PRPSAP1: variants seen among roughly 807,000 people sequenced by gnomAD.
The protein encoded by PRPSAP1 is phosphoribosyl pyrophosphate synthetase associated protein 1, also known as phosphoribosyl pyrophosphate synthase-associated protein 1.
In PRPSAP1, 31 loss-of-function variants were observed where a neutral mutation model predicts 39.4. The observed-to-expected ratio is 0.79, with a 90% CI of 0.59 to 1.06. The LOEUF is 1.06. Among genes scored for constraint, PRPSAP1 ranks in the 50% least tolerant of loss-of-function variants. The pLI is 0.00. For missense variants in PRPSAP1, 430 were observed against 511.6 expected (o/e 0.84, Z 1.54); for synonymous variants, 212 against 192.6 (o/e 1.10, Z -0.83).
chr17:76,318,315 TG>T (rs2071146395), intron 7 of PRPSAP1, among the ~76,000 whole-genome samples: 1 of 152,000 alleles, frequency 6.6e-6, no homozygotes, highest in Non-Finnish European at 1.5e-5. Flanking sequence ...CTGGGGGTGG[TG>T]TCAAGCACCT....
chr17:76,325,135 C>T (rs1348508881), intron 7 of PRPSAP1, among the ~76,000 whole-genome samples: 1 of 136,838 alleles, frequency 7.3e-6, no homozygotes, highest in African/African-American at 2.7e-5. Context: ...TGGGTCCGGG[C>T]ACAGTGGTTT....
At chr17:76,332,925 C>T (rs1374323358) in intron 3 of PRPSAP1, among the ~76,000 whole-genome samples, 1 of 150,528 alleles carries the variant, frequency 6.6e-6, no homozygotes, top group Non-Finnish European at 1.5e-5. Context: ...CGGAGTCTCG[C>T]TGTCGCCCAG....
intron 2 of PRPSAP1, among the ~76,000 whole-genome samples, chr17:76,347,219 G>A (rs764967168): frequency 6.6e-5 from 10 of 151,858 alleles, no homozygotes; most frequent in Non-Finnish European, 1.5e-4. Context: ...GGGCGCGGTG[G>A]CTCATGCCTG....
chr17:76,328,680 A>G (rs1194592901), intron 7 of PRPSAP1, 37 bp downstream of exon 7: 2 of 1,594,448 alleles, frequency 1.3e-6, no homozygotes, highest in East Asian at 2.2e-5. Context: ...ACTTTCTTCA[A>G]TTTACAAATA....
At chr17:76,353,095 C>T (rs1457622582) in intron 1 of PRPSAP1, 2 of 159,904 alleles carry the variant, frequency 1.3e-5, no homozygotes, top group African/African-American at 2.4e-5. Flanking sequence ...GCGTCGGATC[C>T]CCCAACTCAC....
chr17:76,349,253 G>A (rs935486039), intron 1 of PRPSAP1, among the ~76,000 whole-genome samples: 18 of 150,858 alleles, frequency 1.2e-4, no homozygotes, highest in African/African-American at 3.9e-4. Flanking sequence ...GTGGTGAGCC[G>A]AGATCGCGCC....
intron 3 of PRPSAP1, among the ~76,000 whole-genome samples, chr17:76,336,356 T>A (rs2071378437): frequency 6.6e-6 from 1 of 150,612 alleles, no homozygotes; most frequent in South Asian, 2.1e-4. Context: ...AAGAATTGCT[T>A]GAACCTGGGA....
At chr17:76,340,313 A>T (rs1231715031) in intron 3 of PRPSAP1, among the ~76,000 whole-genome samples, 1 of 151,722 alleles carries the variant, frequency 6.6e-6, no homozygotes, top group Admixed American at 6.6e-5. Flanking sequence ...TACTCAAGAT[A>T]CAAGTGAGAA....
intron 3 of PRPSAP1, among the ~76,000 whole-genome samples, chr17:76,343,956 T>C (rs1398777986): frequency 2.0e-5 from 3 of 152,226 alleles, no homozygotes; most frequent in African/African-American, 4.8e-5. Flanking sequence ...TGTATAACTT[T>C]TTTTTTTCTT....
At chr17:76,324,612 A>T (rs2143481818) in intron 7 of PRPSAP1, among the ~76,000 whole-genome samples, 1 of 152,158 alleles carries the variant, frequency 6.6e-6, no homozygotes, top group Admixed American at 6.6e-5. Context: ...CAAAAAAAAA[A>T]AAGCTATAAA....
chr17:76,348,472 CA>C, intron 2 of PRPSAP1, 56 bp downstream of exon 2: 5 of 1,176,200 alleles, frequency 4.3e-6, no homozygotes, highest in African/African-American at 1.6e-5. Flanking sequence ...GGCTCTGTCT[CA>C]AAAAAACTAA....
intron 7 of PRPSAP1, among the ~76,000 whole-genome samples, chr17:76,319,986 T>C: frequency 6.6e-6 from 1 of 151,776 alleles, no homozygotes; most frequent in East Asian, 1.9e-4. Flanking sequence ...AAAATAAATG[T>C]AGGCTGGGCA....
Position 76,343,645 on chromosome 17 carries a change from G to C in PRPSAP1, c.290+1026C>G, listed in dbSNP as rs140237291. Among the ~76,000 whole-genome samples the C allele has an allele frequency of 1.6e-3, 237 of 152,240 alleles. 6 individuals carry two copies. In the East Asian group the frequency reaches 0.041, roughly 26 times the overall value. ...AGGTCAGGAGTTCAAGACCAGCCTG[G>C]CCAACATAGTGAAACCCTGTCTCTA... On this transcript the variant is annotated intron_variant, in intron 3 of 9. Transcript: ENST00000446526.
rs192604114 is a variant in PRPSAP1, at chr17:76,338,925, C to T, written c.290+5746G>A. Among the ~76,000 whole-genome samples, 301 of 151,714 alleles carry T rather than the reference C, an allele frequency of 2.0e-3. 3 individuals carry two copies. Among genetic ancestry groups the T allele is most frequent in the Non-Finnish European group, 8.5e-4 (58 of 67,956 alleles). On this transcript the variant is annotated intron_variant, in intron 3 of 9. Coordinates refer to ENST00000446526, the MANE Select transcript of PRPSAP1 (RefSeq NM_002766.3). ...GTACATGCCAGTAATCCCAGCTACT[C>T]GGGAGGCTCAGGCAGGAGAATCACT...
At chr17:76,311,933 C>T (rs1242898439) in intron 9 of PRPSAP1, among the ~76,000 whole-genome samples, 3 of 152,124 alleles carry the variant, frequency 2.0e-5, no homozygotes, top group African/African-American at 7.2e-5. Flanking sequence ...GGTCTCCATG[C>T]AGAAACACAG....
chr17:76,351,220 A>G (rs2071565799), intron 1 of PRPSAP1, among the ~76,000 whole-genome samples: 1 of 152,080 alleles, frequency 6.6e-6, no homozygotes, highest in Non-Finnish European at 1.5e-5. Flanking sequence ...AAAAATACAA[A>G]AACTAGCCAG....
chr17:76,312,657 G>A (rs2071081210), intron 9 of PRPSAP1: 1 of 460,602 alleles, frequency 2.2e-6, no homozygotes, highest in Admixed American at 3.8e-5. Flanking sequence ...CAATGGTTTT[G>A]CATCATCATA....
At position 76,328,830 on chromosome 17, in the gene PRPSAP1, C is replaced by T; in HGVS notation, c.668G>A (p.Gly223Asp). 1.9e-6 allele frequency: 3 copies of T among 1,614,120 alleles called. No homozygotes were observed. The highest frequency in any genetic ancestry group is 1.7e-5 in the Admixed American group (1 of 60,006). ...AGCTTCCCCGTGAATGACGGCCAAA[C>T]CCAGACGCAGTCTCTCCGCATAGGA... ...AQSYAERLRLGLAVIHGEAQC... is the reference protein window; with the variant it reads ...AQSYAERLRLDLAVIHGEAQC... Residue 223 changes from glycine to aspartate, a missense_variant, in exon 7 of 10, where the codon GGT (glycine) becomes GAT (aspartate). Transcript: ENST00000446526.
At chr17:76,343,792 G>A (rs1203804497) in intron 3 of PRPSAP1, among the ~76,000 whole-genome samples, 4 of 151,994 alleles carry the variant, frequency 2.6e-5, no homozygotes, top group African/African-American at 9.7e-5. Flanking sequence ...CCAAGACTGT[G>A]CCACTGCACT....
Sources: allele counts gnomAD v4.1 joint callset (sites outside exome capture counted in the v4.1 genomes callset), GRCh38; gene constraint gnomAD v4.1.1; transcripts MANE v1.5; gene names NCBI Gene and HGNC (gene_info 2026-07-23, HGNC 2026-07-21).